GRID2: variants seen among roughly 807,000 people sequenced by gnomAD.
GRID2 encodes the protein glutamate ionotropic receptor delta type subunit 2, also known as glutamate receptor ionotropic, delta-2.
A neutral mutation model predicts 114.8 loss-of-function variants in GRID2; 33 were observed. That is an observed-to-expected ratio of 0.29 (90% confidence interval 0.22 to 0.38). GRID2 has a LOEUF of 0.38. Ranked by LOEUF, GRID2 falls within the 10% of genes least tolerant of loss-of-function variation. The pLI, the probability that GRID2 is intolerant of heterozygous loss-of-function variation, is 1.00. For missense variants in GRID2, 1,184 were observed against 1,257.7 expected (o/e 0.94, Z 0.89); for synonymous variants, 505 against 449.9 (o/e 1.12, Z -1.55).
intron 8 of GRID2, among the ~76,000 whole-genome samples, chr4:93,269,700 T>C (rs1751225635): frequency 6.6e-6 from 1 of 152,218 alleles, no homozygotes; most frequent in Admixed American, 6.5e-5. Context: ...GATTTAGTCA[T>C]AAGCAGCAAA....
chr4:93,263,406 T>C (rs1372148779), intron 8 of GRID2, among the ~76,000 whole-genome samples: 3 of 152,036 alleles, frequency 2.0e-5, no homozygotes, highest in Admixed American at 6.6e-5. Context: ...ATATTTACAA[T>C]TATCTTTTCA....
At chr4:92,406,909 T>C (rs1731055210) in intron 1 of GRID2, among the ~76,000 whole-genome samples, 1 of 151,982 alleles carries the variant, frequency 6.6e-6, no homozygotes, top group African/African-American at 2.4e-5. Context: ...CTGCATGTAT[T>C]AATCCGTTCT....
intron 2 of GRID2, among the ~76,000 whole-genome samples, chr4:92,605,078 T>C (rs1345284169): frequency 2.6e-5 from 4 of 152,070 alleles, no homozygotes; most frequent in African/African-American, 4.8e-5. Flanking sequence ...CACCTTCTGC[T>C]ATGATTGTAA....
intron 11 of GRID2, among the ~76,000 whole-genome samples, chr4:93,463,886 G>A (rs891411964): frequency 2.6e-5 from 4 of 152,098 alleles, no homozygotes; most frequent in African/African-American, 9.7e-5. Context: ...CTACTCGGGA[G>A]GCTGAGGCAG....
intron 1 of GRID2, among the ~76,000 whole-genome samples, chr4:92,378,082 C>T (rs942609725): frequency 6.6e-6 from 1 of 151,062 alleles, no homozygotes. Context: ...CTGAAAGAGG[C>T]TGTAGAGATC....
intron 13 of GRID2, among the ~76,000 whole-genome samples, chr4:93,515,745 C>G (rs1729655728): frequency 6.6e-6 from 1 of 152,028 alleles, no homozygotes; most frequent in South Asian, 2.1e-4. Context: ...TTCAAGTTAT[C>G]TGATTCTTTT....
intron 2 of GRID2, among the ~76,000 whole-genome samples, chr4:93,034,768 A>G: frequency 6.6e-6 from 1 of 152,190 alleles, no homozygotes; most frequent in East Asian, 1.9e-4. Flanking sequence ...TATACACAGT[A>G]TATTAAACCC....
intron 1 of GRID2, among the ~76,000 whole-genome samples, chr4:92,387,507 T>C (rs1490033463): frequency 6.6e-6 from 1 of 151,994 alleles, no homozygotes; most frequent in Non-Finnish European, 1.5e-5. Context: ...TTCTTGAGGA[T>C]GACTTCCCTT....
intron 2 of GRID2, among the ~76,000 whole-genome samples, chr4:92,983,035 C>G (rs576508438): frequency 6.6e-6 from 1 of 152,050 alleles, no homozygotes; most frequent in Admixed American, 6.6e-5. Flanking sequence ...AAGTATCTAC[C>G]GTCAATCAGA....
At chr4:92,337,980 GC>G (rs1295944348) in intron 1 of GRID2, among the ~76,000 whole-genome samples, 1 of 152,128 alleles carries the variant, frequency 6.6e-6, no homozygotes, top group East Asian at 1.9e-4. Flanking sequence ...GTGTATAAGT[GC>G]ACAGGTGTAA....
intron 1 of GRID2, among the ~76,000 whole-genome samples, chr4:92,478,931 A>G (rs758445113): frequency 1.3e-5 from 2 of 152,106 alleles, no homozygotes; most frequent in African/African-American, 2.4e-5. Context: ...TTCAAGGCCC[A>G]GTGTGACATC....
intron 14 of GRID2, among the ~76,000 whole-genome samples, chr4:93,751,689 C>T (rs1578734924): frequency 6.6e-6 from 1 of 152,080 alleles, no homozygotes; most frequent in African/African-American, 2.4e-5. Context: ...GTCCTCACCC[C>T]AAATCACATT....
At chr4:93,605,843 C>T (rs1481396348) in intron 13 of GRID2, among the ~76,000 whole-genome samples, 6 of 152,100 alleles carry the variant, frequency 3.9e-5, no homozygotes, top group Non-Finnish European at 8.8e-5. Context: ...GGAGTAAATA[C>T]AAGGTGCGAT....
intron 14 of GRID2, among the ~76,000 whole-genome samples, chr4:93,700,450 G>A (rs1210825220): frequency 6.6e-6 from 1 of 152,142 alleles, no homozygotes; most frequent in Non-Finnish European, 1.5e-5. Context: ...AAATAAGAGA[G>A]ATAGCTATTA....
At chr4:92,764,906 G>A (rs1033560692) in intron 2 of GRID2, among the ~76,000 whole-genome samples, 2 of 152,046 alleles carry the variant, frequency 1.3e-5, no homozygotes, top group Non-Finnish European at 2.9e-5. Context: ...AAATTTCCTG[G>A]AAACATTAAA....
chr4:92,466,531 T>A (rs1264511270), intron 1 of GRID2, among the ~76,000 whole-genome samples: 1 of 151,828 alleles, frequency 6.6e-6, no homozygotes, highest in African/African-American at 2.4e-5. Flanking sequence ...TACATACACC[T>A]ACTATGTACT....
chr4:92,928,497 A>C (rs1047220588), intron 2 of GRID2, among the ~76,000 whole-genome samples: 2 of 151,672 alleles, frequency 1.3e-5, no homozygotes, highest in African/African-American at 4.8e-5. Context: ...AAATGACTAT[A>C]AAGTATACAG....
intron 2 of GRID2, among the ~76,000 whole-genome samples, chr4:92,999,624 G>C (rs905623482): frequency 1.3e-5 from 2 of 151,622 alleles, no homozygotes; most frequent in Non-Finnish European, 3.0e-5. Flanking sequence ...TGCAAAATGA[G>C]TTATAAATCT....
intron 1 of GRID2, among the ~76,000 whole-genome samples, chr4:92,330,325 T>C (rs191230138): frequency 1.4e-4 from 21 of 152,274 alleles, no homozygotes; most frequent in African/African-American, 4.6e-4. Flanking sequence ...GTTAGTTTCC[T>C]TGCTTGGAAG....
Sources: allele counts gnomAD v4.1 joint callset (sites outside exome capture counted in the v4.1 genomes callset), GRCh38; gene constraint gnomAD v4.1.1; transcripts MANE v1.5; gene names NCBI Gene and HGNC (gene_info 2026-07-23, HGNC 2026-07-21).